Variants in ARHGEF3 observed in about 807,000 individuals in gnomAD.
ARHGEF3 encodes the protein 59.8 kDA protein.
In ARHGEF3, 28 loss-of-function variants were observed where a neutral mutation model predicts 63.2. The ratio of observed to expected loss-of-function variants is 0.44; its 90% CI spans 0.33 to 0.61. The LOEUF is 0.61. Among genes scored for constraint, ARHGEF3 ranks in the 20% least tolerant of loss-of-function variants. ARHGEF3 has a pLI of 0.03. For synonymous variants in ARHGEF3, 266 were observed against 254.2 expected (o/e 1.05, Z -0.44); for missense variants, 533 against 659.3 (o/e 0.81, Z 2.10).
chr3:57,061,082 TTTG>T (rs1434653989), intron 1 of ARHGEF3, among the ~76,000 whole-genome samples: 5 of 152,120 alleles, frequency 3.3e-5, no homozygotes, highest in African/African-American at 9.7e-5. Flanking sequence ...TTTCCAGAAC[TTTG>T]TTGTCATTCT....
At chr3:56,775,609 C>T (rs1214355442) in intron 1 of ARHGEF3, 5 of 985,432 alleles carry the variant, frequency 5.1e-6, no homozygotes, top group Non-Finnish European at 6.0e-6. Context: ...AAAGCCATTG[C>T]GTGACAATGA....
intron 2 of ARHGEF3, among the ~76,000 whole-genome samples, chr3:56,979,406 G>A (rs1347679896): frequency 6.6e-6 from 1 of 152,218 alleles, no homozygotes. Flanking sequence ...GGCCAAGCTC[G>A]TTCCTGCTGC....
intron 2 of ARHGEF3, among the ~76,000 whole-genome samples, chr3:57,019,955 A>G (rs2107156763): frequency 6.6e-6 from 1 of 152,230 alleles, no homozygotes; most frequent in East Asian, 1.9e-4. Context: ...CTGGAGTACA[A>G]TGGTGCAATC....
At position 57,035,077 on chromosome 3, in the gene ARHGEF3, A is replaced by T. The variant is rs548252212; in HGVS notation, c.62+11T>A. Reference sequence around the variant, plus strand: ...AATTTTTAATTATTTAGGTTATTTGATTATTTTTACCTTTCCTTGTTTTCT... The same window carrying T: ...AATTTTTAATTATTTAGGTTATTTGTTTATTTTTACCTTTCCTTGTTTTCT... On this transcript the variant is annotated intron_variant, in intron 2 of 12. Coordinates refer to the ARHGEF3 transcript ENST00000338458. 8 of 1,526,830 alleles carry T rather than the reference A, an allele frequency of 5.2e-6. No individual in the cohort carries two copies. In the East Asian group the frequency reaches 2.0e-4, roughly 37 times the overall value. 94.6% of individuals were successfully genotyped at this position (1,526,830 alleles called of 1,614,324 possible).
Position 56,988,557 on chromosome 3 carries a change from T to G in ARHGEF3, c.63-29668A>C, listed in dbSNP as rs575210190. ...AGCATCAACAAGATTAAAAGTATGT[T>G]GGCAGGGAGAGGAAGAATCCACAGG... On this transcript the variant is annotated intron_variant, in intron 2 of 12. Coordinates refer to the ARHGEF3 transcript ENST00000338458. Among the ~76,000 whole-genome samples, 13 of 152,294 alleles carry G rather than the reference T, an allele frequency of 8.5e-5. No homozygotes were observed. In the South Asian group the frequency reaches 2.7e-3, roughly 32 times the overall value.
At chr3:57,074,070 A>G (rs769877048) in intron 1 of ARHGEF3, 3 of 1,613,882 alleles carry the variant, frequency 1.9e-6, no homozygotes, top group Admixed American at 3.3e-5. Context: ...TCATAACTCT[A>G]CACCTCAATT....
At chr3:56,914,772 T>C (rs1173254666) in intron 3 of ARHGEF3, among the ~76,000 whole-genome samples, 1 of 152,170 alleles carries the variant, frequency 6.6e-6, no homozygotes, top group East Asian at 1.9e-4. Flanking sequence ...TTGACTCTAC[T>C]TATATGAGAT....
chr3:56,905,540 A>G (rs1446201971), intron 3 of ARHGEF3, among the ~76,000 whole-genome samples: 2 of 152,242 alleles, frequency 1.3e-5, no homozygotes, highest in Non-Finnish European at 2.9e-5. Context: ...ATCCTTCTAC[A>G]TAAACCAGCC....
chr3:56,840,188 T>C (rs905498573), intron 4 of ARHGEF3, among the ~76,000 whole-genome samples: 4 of 152,124 alleles, frequency 2.6e-5, no homozygotes, highest in Non-Finnish European at 5.9e-5. Context: ...TCTGCTAGAC[T>C]CAGTGAAAAA....
chr3:56,775,251 C>A, intron 1 of ARHGEF3: 3 of 1,293,804 alleles, frequency 2.3e-6, no homozygotes, highest in East Asian at 3.2e-5. Flanking sequence ...CTGGAAAAAT[C>A]TTTCGTGAAT....
chr3:56,809,517 A>C (rs962718951), intron 4 of ARHGEF3, among the ~76,000 whole-genome samples: 1 of 152,284 alleles, frequency 6.6e-6, no homozygotes, highest in East Asian at 1.9e-4. Flanking sequence ...AACCTGTCTC[A>C]CTGAAGATTT....
At chr3:56,883,044 C>G (rs2040820823) in intron 3 of ARHGEF3, among the ~76,000 whole-genome samples, 1 of 152,196 alleles carries the variant, frequency 6.6e-6, no homozygotes, top group African/African-American at 2.4e-5. Flanking sequence ...ATCTAATTCA[C>G]TTGAAGATAT....
intron 7 of ARHGEF3, among the ~76,000 whole-genome samples, chr3:56,739,017 C>G (rs987657368): frequency 1.2e-4 from 19 of 152,070 alleles, no homozygotes; most frequent in African/African-American, 4.6e-4. Flanking sequence ...ATCGCTTGAA[C>G]CTGGGAGGCA....
At chr3:56,742,064 G>C (rs548381835) in intron 7 of ARHGEF3, among the ~76,000 whole-genome samples, 1 of 152,162 alleles carries the variant, frequency 6.6e-6, no homozygotes, top group Non-Finnish European at 1.5e-5. Context: ...AGCCCTGACT[G>C]TCTGGTCCCT....
intron 4 of ARHGEF3, among the ~76,000 whole-genome samples, chr3:56,810,320 G>T (rs1397703466): frequency 3.3e-5 from 5 of 152,140 alleles, no homozygotes; most frequent in Admixed American, 3.3e-4. Flanking sequence ...GAGGCGGGCA[G>T]ATCATTTGAG....
chr3:57,072,533 G>A (rs918948387), intron 1 of ARHGEF3, among the ~76,000 whole-genome samples: 4 of 151,824 alleles, frequency 2.6e-5, no homozygotes, highest in African/African-American at 4.8e-5. Context: ...TTGAGCTCAG[G>A]GGTTCAAGAC....
intron 1 of ARHGEF3, chr3:57,075,471 G>C (rs1300812669): frequency 6.1e-6 from 1 of 163,898 alleles, no homozygotes; most frequent in East Asian, 1.9e-4. Context: ...CCTCAATTAG[G>C]AACAGTCTTG....
At chr3:56,961,880 TA>T (rs1700296983) in intron 2 of ARHGEF3, among the ~76,000 whole-genome samples, 1 of 152,034 alleles carries the variant, frequency 6.6e-6, no homozygotes, top group African/African-American at 2.4e-5. Context: ...CCATCTCCGC[TA>T]AAAATAAAAA....
Position 56,812,392 on chromosome 3 carries a change from G to A in ARHGEF3, c.193-38576C>T, listed in dbSNP as rs945019775. Among the ~76,000 whole-genome samples, 7 of 152,276 alleles carry A rather than the reference G, an allele frequency of 4.6e-5. No homozygotes were observed. In the East Asian group the frequency reaches 5.8e-4, roughly 13 times the overall value. On this transcript the variant is annotated intron_variant, in intron 4 of 12. Coordinates refer to the ARHGEF3 transcript ENST00000338458. ...ATGATAGAGCTTTCAGTTCCTTCCA[G>A]CTGTTTACACACTAATTCCTGAACA...
Sources: allele counts gnomAD v4.1 joint callset (sites outside exome capture counted in the v4.1 genomes callset), GRCh38; gene constraint gnomAD v4.1.1; transcripts MANE v1.5; gene names NCBI Gene and HGNC (gene_info 2026-07-23, HGNC 2026-07-21).